PPP2R2C: variants seen among roughly 807,000 people sequenced by gnomAD.
The protein encoded by PPP2R2C is protein phosphatase 2, regulatory subunit B, gamma.
Under a neutral mutation model 45.3 loss-of-function variants are expected in PPP2R2C, and 10 were observed. The ratio of observed to expected loss-of-function variants is 0.22; its 90% CI spans 0.14 to 0.37. The LOEUF (loss-of-function observed/expected upper bound fraction) is 0.37, where lower values mean the gene tolerates loss of function less well. Among genes scored for constraint, PPP2R2C ranks in the 10% least tolerant of loss-of-function variants. The pLI is 1.00. For missense variants in PPP2R2C, 308 were observed against 619.7 expected, an observed-to-expected ratio of 0.50 and a Z score of 5.34; for synonymous variants, 257 against 245.4, an observed-to-expected ratio of 1.05 and a Z score of -0.44.
chr4:6,380,895 ACCCCTTATC>A, intron 2 of PPP2R2C, 93 bp downstream of exon 2: 1 of 1,423,816 alleles, frequency 7.0e-7, no homozygotes, highest in Non-Finnish European at 9.2e-7. Context: ...TCACCGCATC[ACCCCTTATC>A]CCCCTTATCC....
chr4:6,426,854 A>T (rs115554857), intron 1 of PPP2R2C, among the ~76,000 whole-genome samples: 310 of 152,366 alleles, frequency 2.0e-3, no homozygotes, highest in African/African-American at 7.1e-3. Context: ...TGGCTCAAGC[A>T]AGTCTTGCTC....
intron 5 of PPP2R2C, among the ~76,000 whole-genome samples, chr4:6,356,304 A>G (rs958868711): frequency 1.3e-5 from 2 of 152,208 alleles, no homozygotes; most frequent in African/African-American, 4.8e-5. Context: ...TCGCATCTGT[A>G]GCTCATCCAA....
intron 4 of PPP2R2C, among the ~76,000 whole-genome samples, chr4:6,373,402 TG>T (rs1258353946): frequency 6.6e-6 from 1 of 152,216 alleles, no homozygotes; most frequent in African/African-American, 2.4e-5. Flanking sequence ...CTCAGACAGT[TG>T]GTGCGAGGAG....
chr4:6,486,350 G>A (rs114828540), intron 2 of PPP2R2C, among the ~76,000 whole-genome samples: 1 of 151,986 alleles, frequency 6.6e-6, no homozygotes, highest in Non-Finnish European at 1.5e-5. Context: ...CTATTCTGCT[G>A]TTGTTGGGTA....
intron 2 of PPP2R2C, among the ~76,000 whole-genome samples, chr4:6,531,097 G>C (rs34560015): frequency 6.6e-6 from 1 of 152,098 alleles, no homozygotes; most frequent in South Asian, 2.1e-4. Context: ...AGCTGTGCCT[G>C]GTGGCACCAA....
At chr4:6,452,929 C>G (rs1246914634) in intron 1 of PPP2R2C, among the ~76,000 whole-genome samples, 1 of 152,194 alleles carries the variant, frequency 6.6e-6, no homozygotes, top group African/African-American at 2.4e-5. Flanking sequence ...AGGGCTGCCA[C>G]CATGCCTGAC....
At chr4:6,478,766 G>A (rs1281743588) in intron 2 of PPP2R2C, among the ~76,000 whole-genome samples, 3 of 152,218 alleles carry the variant, frequency 2.0e-5, no homozygotes, top group South Asian at 2.1e-4. Flanking sequence ...AAAACGCAGC[G>A]GCTTCAAGGC....
At chr4:6,361,845 C>A (rs1012581506) in intron 5 of PPP2R2C, among the ~76,000 whole-genome samples, 2 of 152,318 alleles carry the variant, frequency 1.3e-5, no homozygotes, top group African/African-American at 2.4e-5. Context: ...GGGCTCCCAG[C>A]CTGGCAGGGA....
rs528615389 is a variant in PPP2R2C, at chr4:6,541,185, T to TG, written c.-58-5809dup. 4.8e-3 allele frequency among the ~76,000 whole-genome samples: 725 copies of TG among 152,288 alleles called. 5 individuals are homozygous for TG. Among genetic ancestry groups the TG allele is most frequent in the South Asian group, 0.022 (104 of 4,826 alleles). ...TAGAACAGGGTCCCATGGCCACCTC[T>TG]GCTGAATTACAGACCTGGGAATATG... On this transcript the variant is annotated intron_variant, in intron 1 of 9. Transcript: ENST00000506140.
At chr4:6,335,520 C>T (rs1343260130) in intron 6 of PPP2R2C, among the ~76,000 whole-genome samples, 4 of 152,088 alleles carry the variant, frequency 2.6e-5, no homozygotes, top group African/African-American at 9.7e-5. Flanking sequence ...TCTCATGGGC[C>T]ACGGAGAGGG....
intron 1 of PPP2R2C, among the ~76,000 whole-genome samples, chr4:6,400,410 T>A (rs1313815396): frequency 6.6e-6 from 1 of 152,240 alleles, no homozygotes; most frequent in Non-Finnish European, 1.5e-5. Flanking sequence ...TTTCAATGAA[T>A]TCATATAAAT....
intron 2 of PPP2R2C, among the ~76,000 whole-genome samples, chr4:6,533,725 G>A (rs933369278): frequency 6.6e-6 from 1 of 152,088 alleles, no homozygotes; most frequent in East Asian, 1.9e-4. Context: ...ATGGCAGCAC[G>A]TTATTTATAA....
chr4:6,508,156 C>G (rs560779307), intron 2 of PPP2R2C, among the ~76,000 whole-genome samples: 2 of 152,282 alleles, frequency 1.3e-5, no homozygotes, highest in South Asian at 4.2e-4. Flanking sequence ...CAGAACTGAG[C>G]AGGGCAGGAG....
intron 2 of PPP2R2C, among the ~76,000 whole-genome samples, chr4:6,509,584 G>A (rs911973916): frequency 5.9e-5 from 9 of 152,102 alleles, no homozygotes; most frequent in Non-Finnish European, 8.8e-5. Flanking sequence ...CCCTTACCAC[G>A]ATCTCATTTA....
rs73798207 is a variant in PPP2R2C at position 6,364,720 on chromosome 4, G to A, written c.625+7803C>T. 3.9e-3 allele frequency among the ~76,000 whole-genome samples: 587 copies of A among 152,250 alleles called. 3 individuals are homozygous for A. The highest frequency in any genetic ancestry group is 0.013 in the African/African-American group (555 of 41,546). ...ACCCAAGTGAGCTGCCCGAGGCCGCGGAGTCCCTATGTCTTGGGGCCAAGG... is the reference window on the plus strand; with the variant it reads ...ACCCAAGTGAGCTGCCCGAGGCCGCAGAGTCCCTATGTCTTGGGGCCAAGG... On this transcript the variant is annotated intron_variant, in intron 5 of 8. Transcript: ENST00000382599. The surrounding 1 kb of genome is among the most constrained non-coding windows in gnomAD (Gnocchi z 5.3).
chr4:6,539,475 C>CATGTCACATGTCACTTG (rs1560610903), intron 1 of PPP2R2C, among the ~76,000 whole-genome samples: 1 of 152,200 alleles, frequency 6.6e-6, no homozygotes. Context: ...CACGCTTCAC[C>CATGTCACATGTCACTTG]GGTCTCTCTC....
intron 1 of PPP2R2C, among the ~76,000 whole-genome samples, chr4:6,435,466 T>C (rs1041250557): frequency 9.2e-5 from 14 of 152,224 alleles, no homozygotes; most frequent in African/African-American, 2.9e-4. Context: ...TTATGTACAG[T>C]TGATATTTTC....
chr4:6,435,206 T>A (rs1225252893), intron 1 of PPP2R2C, among the ~76,000 whole-genome samples: 1 of 152,232 alleles, frequency 6.6e-6, no homozygotes, highest in African/African-American at 2.4e-5. Context: ...CATTAATTTA[T>A]CTTGCTTTTC....
chr4:6,465,516 C>T (rs1344206070), intron 1 of PPP2R2C, among the ~76,000 whole-genome samples: 1 of 152,040 alleles, frequency 6.6e-6, no homozygotes, highest in Non-Finnish European at 1.5e-5. Context: ...TCGTGGGGCA[C>T]AGGGAAAAAT....
Sources: gnomAD v4.1 joint callset for allele counts (sites outside exome capture counted in the v4.1 genomes callset) on GRCh38, gnomAD v4.1.1 for gene constraint, Gnocchi (gnomAD v3.1) non-coding constraint, MANE v1.5 for transcripts, NCBI Gene and HGNC (gene_info 2026-07-23, HGNC 2026-07-21) for gene names.